Variants in SUMF1 observed in about 807,000 individuals in gnomAD.
The protein encoded by SUMF1 is sulfatase modifying factor 1.
Under a neutral mutation model 47.6 loss-of-function variants are expected in SUMF1, and 48 were observed. The observed-to-expected ratio is 1.01, with a 90% CI of 0.80 to 1.28. SUMF1 has a LOEUF of 1.28. Among genes scored for constraint, SUMF1 ranks in the 50% most tolerant of loss-of-function variants. SUMF1 has a pLI of 0.00. For synonymous variants in SUMF1, 230 were observed against 192.1 expected (o/e 1.20, Z -1.63); for missense variants, 571 against 485.4 (o/e 1.18, Z -1.66).
rs766985928 is a variant in SUMF1 at position 4,354,545 on chromosome 3, G to T, written c.1014+21785C>A. ...CACTTTCCCCTTCCGTGAGAACTTC[G>T]TGGGACAGACCGACCGCGCAGGATC... is the stretch of plus-strand genomic sequence containing the variant. On this transcript the variant is annotated intron_variant and NMD_transcript_variant, in intron 8 of 12. Coordinates refer to the SUMF1 transcript ENST00000448413. Among the ~76,000 whole-genome samples the T allele has an allele frequency of 5.8e-4, 89 of 152,336 alleles. 1 individual carries two copies. The highest frequency in any genetic ancestry group is 4.7e-3 in the Admixed American group (72 of 15,294).
intron 8 of SUMF1, among the ~76,000 whole-genome samples, chr3:4,342,838 G>A (rs1699299035): frequency 6.6e-6 from 1 of 152,164 alleles, no homozygotes; most frequent in Non-Finnish European, 1.5e-5. Context: ...TGACCCTCAG[G>A]AGCAGCTGTC....
chr3:4,111,055 T>C (rs1179438639), intron 8 of SUMF1, among the ~76,000 whole-genome samples: 1 of 150,526 alleles, frequency 6.6e-6, no homozygotes, highest in African/African-American at 2.5e-5. Flanking sequence ...AATATTTCAG[T>C]TGATCAAAGT....
chr3:4,055,944 C>T (rs978281100), intron 9 of SUMF1, among the ~76,000 whole-genome samples: 1 of 152,160 alleles, frequency 6.6e-6, no homozygotes, highest in Non-Finnish European at 1.5e-5. Flanking sequence ...CCATCTTCCT[C>T]TATCTTCAAA....
chr3:4,239,226 T>G (rs1249273259), intron 8 of SUMF1, among the ~76,000 whole-genome samples: 1 of 152,206 alleles, frequency 6.6e-6, no homozygotes, highest in East Asian at 1.9e-4. Context: ...CCAGCTTTGT[T>G]CTTTTTGCTT....
chr3:4,200,023 C>G (rs887216970), intron 8 of SUMF1, among the ~76,000 whole-genome samples: 32 of 152,050 alleles, frequency 2.1e-4, no homozygotes, highest in African/African-American at 7.0e-4. Flanking sequence ...AAGGTCACAA[C>G]ATAAAGGTTC....
At chr3:4,259,277 T>C (rs528273406) in intron 8 of SUMF1, among the ~76,000 whole-genome samples, 1 of 152,056 alleles carries the variant, frequency 6.6e-6, no homozygotes, top group Non-Finnish European at 1.5e-5. Flanking sequence ...AATAAATAAA[T>C]AAATAAATAA....
intron 8 of SUMF1, among the ~76,000 whole-genome samples, chr3:4,339,019 C>G (rs1044326230): frequency 6.6e-6 from 1 of 152,186 alleles, no homozygotes; most frequent in African/African-American, 2.4e-5. Context: ...CTGACGTTAA[C>G]TTTCCAACCA....
intron 8 of SUMF1, among the ~76,000 whole-genome samples, chr3:4,329,780 T>C (rs1402619209): frequency 6.6e-6 from 1 of 152,050 alleles, no homozygotes; most frequent in Non-Finnish European, 1.5e-5. Flanking sequence ...TTTTTTTTCC[T>C]ATCACATCAT....
At chr3:4,142,760 C>T (rs996062445) in intron 8 of SUMF1, among the ~76,000 whole-genome samples, 3 of 150,264 alleles carry the variant, frequency 2.0e-5, no homozygotes, top group African/African-American at 7.4e-5. Flanking sequence ...TCCCTCACAG[C>T]CCTCACACAC....
At chr3:4,398,880 G>C (rs1158378800) in intron 7 of SUMF1, among the ~76,000 whole-genome samples, 1 of 152,150 alleles carries the variant, frequency 6.6e-6, no homozygotes, top group Non-Finnish European at 1.5e-5. Context: ...GAAATAAGTA[G>C]CTTTTCATGT....
chr3:4,360,336 T>C (rs561737512), downstream of SUMF1, among the ~76,000 whole-genome samples: 307 of 150,350 alleles, frequency 2.0e-3, no homozygotes, highest in Admixed American at 4.9e-3. Context: ...TTTTTTTTTC[T>C]TTTTTTCCTG....
At chr3:4,222,809 T>A (rs1208072552) in intron 8 of SUMF1, among the ~76,000 whole-genome samples, 1 of 152,086 alleles carries the variant, frequency 6.6e-6, no homozygotes, top group East Asian at 1.9e-4. Context: ...AGGAAAGAGA[T>A]TCAGAGAATG....
intron 8 of SUMF1, among the ~76,000 whole-genome samples, chr3:4,108,441 G>A (rs751944592): frequency 1.1e-4 from 17 of 151,984 alleles, no homozygotes; most frequent in Non-Finnish European, 2.1e-4. Context: ...TATTAGGTCC[G>A]CTTGGTGCAG....
intron 8 of SUMF1, among the ~76,000 whole-genome samples, chr3:4,179,205 C>CA (rs1695038339): frequency 6.6e-6 from 1 of 152,028 alleles, no homozygotes; most frequent in Non-Finnish European, 1.5e-5. Context: ...CATATGGATC[C>CA]AAAAAAGAGC....
At chr3:4,084,981 G>A (rs147268394) in intron 8 of SUMF1, among the ~76,000 whole-genome samples, 1 of 152,088 alleles carries the variant, frequency 6.6e-6, no homozygotes, top group East Asian at 1.9e-4. Flanking sequence ...CAGCTTTACA[G>A]TATGTGTCTT....
intron 1 of SUMF1, among the ~76,000 whole-genome samples, chr3:4,464,259 C>G (rs1432969722): frequency 6.8e-6 from 1 of 146,770 alleles, no homozygotes; most frequent in African/African-American, 2.5e-5. Context: ...TCCTCCAAGG[C>G]CTAGCTCAAA....
At position 4,076,921 on chromosome 3, in the gene SUMF1, G is replaced by A. The variant is rs112761120; in HGVS notation, c.1015-8176C>T. ...CGGGAGGCTGAGGCAGGAGAATGGC[G>A]TGAACCCGAGAGGCAGAGCTTGCAG... is the stretch of plus-strand genomic sequence containing the variant. On this transcript the variant is annotated intron_variant and NMD_transcript_variant, in intron 8 of 12. Coordinates refer to the SUMF1 transcript ENST00000448413. 1.1e-3 allele frequency among the ~76,000 whole-genome samples: 163 copies of A among 152,014 alleles called. 5 individuals are homozygous for A. The highest frequency in any genetic ancestry group is 3.7e-3 in the African/African-American group (155 of 41,444).
chr3:4,381,044 C>T (rs1161834434), intron 7 of SUMF1, among the ~76,000 whole-genome samples: 1 of 152,192 alleles, frequency 6.6e-6, no homozygotes. Context: ...ACATTTTTCA[C>T]AGCACAACGA....
chr3:4,206,539 C>T (rs192793165), intron 8 of SUMF1, among the ~76,000 whole-genome samples: 7 of 152,246 alleles, frequency 4.6e-5, no homozygotes, highest in Admixed American at 4.6e-4. Context: ...CTCCCAAACA[C>T]AGATTCTTTC....
Sources: allele counts gnomAD v4.1 joint callset (sites outside exome capture counted in the v4.1 genomes callset), GRCh38; gene constraint gnomAD v4.1.1; transcripts MANE v1.5; gene names NCBI Gene and HGNC (gene_info 2026-07-23, HGNC 2026-07-21).